The following DENND10 variants were observed in gnomAD, a reference collection of about 807,000 sequenced individuals.
The protein encoded by DENND10 is DENN domain-containing protein 10.
A neutral mutation model predicts 43.6 loss-of-function variants in DENND10; 24 were observed. That is an observed-to-expected ratio of 0.55 (90% CI 0.40 to 0.77). DENND10 has a LOEUF of 0.77. Among genes scored for constraint, DENND10 ranks in the 30% least tolerant of loss-of-function variants. The pLI, the probability that DENND10 is intolerant of heterozygous loss-of-function variation, is 0.00. For synonymous variants in DENND10, 125 were observed against 157.6 expected, an observed-to-expected ratio of 0.79 and a Z score of 1.55; for missense variants, 303 against 429.9, an observed-to-expected ratio of 0.70 and a Z score of 2.61.
intron 6 of DENND10, among the ~76,000 whole-genome samples, chr10:119,124,968 TTTTG>T (rs1449046579): frequency 6.6e-6 from 1 of 152,018 alleles, no homozygotes; most frequent in Non-Finnish European, 1.5e-5. Context: ...TAAAGTTTTT[TTTTG>T]TTTTTGTTTT....
intron 2 of DENND10, among the ~76,000 whole-genome samples, chr10:119,109,043 C>T (rs763985692): frequency 3.3e-5 from 5 of 151,174 alleles, no homozygotes; most frequent in Non-Finnish European, 5.9e-5. Context: ...GGAGAAACCG[C>T]ATCTCTACTA....
At chr10:119,135,816 AC>A (rs1846325008) in intron 8 of DENND10, among the ~76,000 whole-genome samples, 8 of 127,660 alleles carry the variant, frequency 6.3e-5, no homozygotes, top group South Asian at 5.1e-4. Flanking sequence ...AAAAAAAAAA[AC>A]CAAAACCACA....
At position 119,129,500 on chromosome 10, in the gene DENND10, A is replaced by G. The variant is rs367870996; in HGVS notation, c.695-15A>G. 2 of 1,583,130 alleles carry G rather than the reference A, an allele frequency of 1.3e-6. No individual in the cohort carries two copies. The highest frequency in any genetic ancestry group is 1.7e-6 in the Non-Finnish European group (2 of 1,151,780). ...TCTTCCTACTCCAGTAAGGTTGCTCATGTTTGTGATGCAGGTTACGTCGCT... is the reference window on the plus strand; with the variant it reads ...TCTTCCTACTCCAGTAAGGTTGCTCGTGTTTGTGATGCAGGTTACGTCGCT... On this transcript the variant is annotated splice_polypyrimidine_tract_variant and intron_variant, in intron 6 of 8. Coordinates refer to ENST00000361432, the MANE Select transcript of DENND10 (RefSeq NM_207009.4).
At position 119,120,407 on chromosome 10, in the gene DENND10, T is replaced by C. The variant is rs554487974; in HGVS notation, c.548T>C (p.Ile183Thr). The C allele has an allele frequency of 1.2e-6, 2 of 1,613,216 alleles. No homozygotes were observed. Among genetic ancestry groups the C allele is most frequent in the South Asian group, 2.2e-5 (2 of 91,068 alleles). ...ACAGCACTGATGCTAAAGAAAAGAA[T>C]TGTGGTGTATCACCCCAAGATAGAA... ...LHTALMLKKR[I>T]VVYHPKIEAV... Residue 183 changes from isoleucine to threonine, a missense_variant, in exon 5 of 9, where the codon ATT (isoleucine) becomes ACT (threonine). Transcript: ENST00000361432.
chr10:119,108,994 C>T (rs1844837675), intron 2 of DENND10, among the ~76,000 whole-genome samples: 1 of 151,888 alleles, frequency 6.6e-6, no homozygotes, highest in Non-Finnish European at 1.5e-5. Context: ...GCAGGCGCAT[C>T]ACCTGAGGTT....
chr10:119,107,406 C>CTTT (rs748394240), intron 1 of DENND10, among the ~76,000 whole-genome samples: 1 of 140,410 alleles, frequency 7.1e-6, no homozygotes. Flanking sequence ...CTTTCTTTGT[C>CTTT]TTTTTTTTTT....
At chr10:119,136,282 T>TAAATCCTGACTCAAGACATTCTCC (rs1846355875) in intron 8 of DENND10, among the ~76,000 whole-genome samples, 189 bp from the exon 9 acceptor site, 1 of 151,078 alleles carries the variant, frequency 6.6e-6, no homozygotes, top group African/African-American at 2.4e-5. Flanking sequence ...CTGCATTCTC[T>TAAATCCTGACTCAAGACATTCTCC]AACTCCTGAC....
At chr10:119,125,868 C>T (rs1039829633) in intron 6 of DENND10, among the ~76,000 whole-genome samples, 1 of 151,992 alleles carries the variant, frequency 6.6e-6, no homozygotes, top group African/African-American at 2.4e-5. Context: ...CTGTAGTCAC[C>T]CTATTGTGCT....
chr10:119,118,670 G>T (rs1845409457), intron 4 of DENND10, among the ~76,000 whole-genome samples: 1 of 151,834 alleles, frequency 6.6e-6, no homozygotes, highest in Non-Finnish European at 1.5e-5. Context: ...GGAGTTAATA[G>T]ACTTTTTTTT....
At chr10:119,114,738 C>T (rs564538467) in intron 3 of DENND10, 3 of 151,792 alleles carry the variant, frequency 2.0e-5, no homozygotes, top group South Asian at 4.2e-4. Flanking sequence ...CCTTATGTTT[C>T]TCTTCTCTAT....
At chr10:119,125,728 G>T (rs1283961826) in intron 6 of DENND10, among the ~76,000 whole-genome samples, 2 of 151,712 alleles carry the variant, frequency 1.3e-5, no homozygotes, top group African/African-American at 2.4e-5. Flanking sequence ...TGTTGGCCAG[G>T]CTGGTCTCAA....
chr10:119,133,374 G>A (rs1351554408), intron 8 of DENND10: 1 of 152,234 alleles, frequency 6.6e-6, no homozygotes, highest in East Asian at 1.9e-4. Flanking sequence ...GGGGGTACGG[G>A]GGCACCTCTG....
chr10:119,111,945 T>C lies in DENND10; in HGVS notation c.332+17T>C. The C allele has an allele frequency of 6.5e-7, 1 of 1,547,432 alleles. No individual in the cohort carries two copies. ...ATTGTGTAGGTCTGTATAAAAATTGTATTAAATGCTAATATACAAAATGAA... is the reference window on the plus strand; with the variant it reads ...ATTGTGTAGGTCTGTATAAAAATTGCATTAAATGCTAATATACAAAATGAA... On this transcript the variant is annotated intron_variant, in intron 3 of 8. Coordinates refer to ENST00000361432, the MANE Select transcript of DENND10 (RefSeq NM_207009.4).
At chr10:119,123,629 G>C in intron 6 of DENND10, 60 bp downstream of exon 6, 2 of 1,217,680 alleles carry the variant, frequency 1.6e-6, no homozygotes, top group Non-Finnish European at 1.2e-6. Context: ...TTTTTCCTGA[G>C]ACGGATTTTC....
chr10:119,135,314 T>C (rs1288525887), intron 8 of DENND10: 1 of 152,140 alleles, frequency 6.6e-6, no homozygotes, highest in African/African-American at 2.4e-5. Flanking sequence ...TATGGAAATA[T>C]CCATAGCAGT....
At chr10:119,124,973 T>C (rs1228153987) in intron 6 of DENND10, among the ~76,000 whole-genome samples, 1 of 151,990 alleles carries the variant, frequency 6.6e-6, no homozygotes, top group Non-Finnish European at 1.5e-5. Flanking sequence ...TTTTTTTTTG[T>C]TTTTGTTTTT....
In DENND10 at chr10:119,104,148, T is replaced by C; in HGVS notation, c.6T>C (p.Ala2=). Reference sequence around the variant, plus strand: ...GCGCGCCGCGGCGGCGGAAGATGGCTGCGGCCGAGGTGGCGGACACTCAGC... The same window carrying C: ...GCGCGCCGCGGCGGCGGAAGATGGCCGCGGCCGAGGTGGCGGACACTCAGC... M[A]AAEVADTQLM... The change falls in exon 1 of 9, where the codon GCT becomes GCC. Residue 2 remains alanine (A), a synonymous_variant. Coordinates refer to ENST00000361432, the MANE Select transcript of DENND10 (RefSeq NM_207009.4). The C allele has an allele frequency of 6.6e-7, 1 of 1,515,056 alleles. No individual in the cohort carries two copies. The highest frequency in any genetic ancestry group is 8.8e-7 in the Non-Finnish European group (1 of 1,132,812). The allele number at this position is 1,515,056 out of a possible 1,614,324, so 93.9% of individuals were successfully genotyped here.
chr10:119,121,612 G>A (rs975517034), intron 5 of DENND10, among the ~76,000 whole-genome samples: 3 of 151,480 alleles, frequency 2.0e-5, no homozygotes, highest in South Asian at 2.1e-4. Context: ...GCACCACCAC[G>A]CCCAGCTAAT....
intron 7 of DENND10, among the ~76,000 whole-genome samples, chr10:119,130,171 ATT>A (rs879301529): frequency 1.5e-5 from 2 of 136,098 alleles, no homozygotes. Flanking sequence ...TGCTCAGCTA[ATT>A]TTTTTTTTTT....
Sources: allele counts gnomAD v4.1 joint callset (sites outside exome capture counted in the v4.1 genomes callset), GRCh38; gene constraint gnomAD v4.1.1; transcripts MANE v1.5; gene names NCBI Gene and HGNC (gene_info 2026-07-23, HGNC 2026-07-21).